STKLD1: variants seen among roughly 807,000 people sequenced by gnomAD.
STKLD1 encodes the protein serine/threonine kinase like domain containing 1.
STKLD1 carries 79 observed loss-of-function variants against 80.4 expected under a neutral mutation model. The ratio of observed to expected loss-of-function variants is 0.98; its 90% confidence interval spans 0.82 to 1.19. The LOEUF (loss-of-function observed/expected upper bound fraction) is 1.19, where lower values mean the gene tolerates loss of function less well. Among genes scored for constraint, STKLD1 ranks in the 50% most tolerant of loss-of-function variants. STKLD1 has a pLI of 0.00. For synonymous variants in STKLD1, 393 were observed against 357.6 expected, an observed-to-expected ratio of 1.10 and a Z score of -1.12; for missense variants, 841 against 856.0, an observed-to-expected ratio of 0.98 and a Z score of 0.22.
chr9:133,399,644 G>A (rs973600103), intron 11 of STKLD1, among the ~76,000 whole-genome samples: 1 of 152,194 alleles, frequency 6.6e-6, no homozygotes, highest in African/African-American at 2.4e-5. Flanking sequence ...GGGAGGGGCT[G>A]AGGTGGGCAG....
At chr9:133,376,639 G>C (rs1006524501) in intron 1 of STKLD1, 79 bp downstream of exon 1, 1 of 1,328,376 alleles carries the variant, frequency 7.5e-7, no homozygotes. Context: ...CGGCGGTTCC[G>C]ACCGAGGGCG....
At chr9:133,399,025 C>T (rs926041338) in intron 11 of STKLD1, among the ~76,000 whole-genome samples, 1 of 151,932 alleles carries the variant, frequency 6.6e-6, no homozygotes, top group Non-Finnish European at 1.5e-5. Flanking sequence ...GCTAATTTTT[C>T]GTATTTTTAT....
chr9:133,392,488 TG>T (rs1454542934), intron 7 of STKLD1, among the ~76,000 whole-genome samples: 1 of 148,022 alleles, frequency 6.8e-6, no homozygotes, highest in African/African-American at 2.5e-5. Flanking sequence ...AGTGGATGGA[TG>T]GATAGGTGGG....
chr9:133,402,846 G>A (rs782527815), intron 13 of STKLD1, 32 bp from the exon 14 acceptor site: 3 of 1,588,714 alleles, frequency 1.9e-6, no homozygotes, highest in Non-Finnish European at 2.6e-6. Context: ...GGAGGGAGGG[G>A]CCCTGGGGCC....
In STKLD1 at chr9:133,403,990, C is replaced by T. The variant is rs1838776096; in HGVS notation, c.1674C>T (p.Asp558=). 1 of 1,611,918 alleles carries T rather than the reference C, an allele frequency of 6.2e-7. No homozygotes were observed. The highest frequency in any genetic ancestry group is 1.3e-5 in the African/African-American group (1 of 74,904). Residue 558 remains aspartate (D), a synonymous_variant, in exon 16 of 18, where the codon GAC becomes GAT. Coordinates refer to ENST00000371957, the MANE Select transcript of STKLD1 (RefSeq NM_153710.5). ...LLLQSIRLCQ[D]RALLVNNAYR... The stretch of plus-strand genomic sequence containing the variant: ...TGCAAAGCATCCGGCTGTGCCAGGA[C>T]AGAGCCCTGCTGGTGAACAATGCCT...
chr9:133,388,187 C>T (rs1233481070), intron 5 of STKLD1, among the ~76,000 whole-genome samples: 1 of 152,222 alleles, frequency 6.6e-6, no homozygotes, highest in African/African-American at 2.4e-5. Context: ...CCCATGTTTA[C>T]TCTCACAAGT....
chr9:133,395,750 C>A lies in STKLD1; in HGVS notation c.853C>A (p.Arg285=). 1 of 1,613,384 alleles carries A rather than the reference C, an allele frequency of 6.2e-7. No individual in the cohort carries two copies. Among genetic ancestry groups the A allele is most frequent in the South Asian group, 1.1e-5 (1 of 91,068 alleles). The change falls in exon 9 of 18, where the codon CGA becomes AGA. Residue 285 remains arginine (R), a synonymous_variant. Coordinates refer to ENST00000371957, the MANE Select transcript of STKLD1 (RefSeq NM_153710.5). ...PLMLQIDPSD[R]ITIKDVVHIT... The stretch of plus-strand genomic sequence containing the variant: ...GATGCTCCAGATCGACCCCTCGGAT[C>A]GAATAACGATAAAGTGAGCTCAGGG...
intron 2 of STKLD1, among the ~76,000 whole-genome samples, chr9:133,382,490 G>C (rs1206373374): frequency 6.6e-6 from 1 of 151,768 alleles, no homozygotes; most frequent in African/African-American, 2.4e-5. Context: ...GGTGGTAGTG[G>C]TGGTGATGGT....
rs1307173687 is a variant in STKLD1 at position 133,385,978 on chromosome 9, G to T, written c.294+287G>T. Among the ~76,000 whole-genome samples the T allele has an allele frequency of 6.6e-6, 1 of 151,918 alleles. No homozygotes were observed. Among genetic ancestry groups the T allele is most frequent in the Non-Finnish European group, 1.5e-5 (1 of 67,980 alleles). ...TTGTCCCCCAGGCTGGAGTGTAATG[G>T]TGTGATCTTGGCTCACTGCAACCTC... On this transcript the variant is annotated intron_variant, in intron 4 of 17. Coordinates refer to ENST00000371957, the MANE Select transcript of STKLD1 (RefSeq NM_153710.5). The surrounding 1 kb of genome is among the most constrained non-coding windows in gnomAD (Gnocchi z 4.9).
At chr9:133,401,431 C>T (rs587650500) in intron 12 of STKLD1, among the ~76,000 whole-genome samples, 5 of 152,220 alleles carry the variant, frequency 3.3e-5, no homozygotes, top group East Asian at 1.9e-4. Context: ...CCACCGCGCG[C>T]GGCCACCTTT....
intron 1 of STKLD1, among the ~76,000 whole-genome samples, chr9:133,378,826 C>G (rs782684599): frequency 6.6e-6 from 1 of 152,204 alleles, no homozygotes; most frequent in Non-Finnish European, 1.5e-5. Context: ...GCTCCAGAAT[C>G]GGCCCCAAAT....
intron 12 of STKLD1, among the ~76,000 whole-genome samples, chr9:133,401,205 C>G (rs944207430): frequency 3.3e-5 from 5 of 149,340 alleles, no homozygotes; most frequent in African/African-American, 1.2e-4. Context: ...GTGGCGCACT[C>G]TCGGCTCAAT....
rs1838253615 is a variant in STKLD1 at position 133,385,871 on chromosome 9, G to A, written c.294+180G>A. On this transcript the variant is annotated intron_variant, in intron 4 of 17. Transcript: ENST00000371957. This position sits in a 1 kb window ranked among gnomAD's most constrained non-coding sequence, Gnocchi z 4.9. ...ACTGGGGCCAGGTACCATGCTGGGG[G>A]CTTTCGGTGCATAGTCTCATAGGAG... Among the ~76,000 whole-genome samples, 1 of 152,036 alleles carries A rather than the reference G, an allele frequency of 6.6e-6. No individual in the cohort carries two copies. The highest frequency in any genetic ancestry group is 2.1e-4 in the South Asian group (1 of 4,822).
In STKLD1 at chr9:133,403,700, G is replaced by C. The variant is rs140772755; in HGVS notation, c.1475G>C (p.Gly492Ala). The C allele has an allele frequency of 1.2e-6, 2 of 1,613,054 alleles. No individual in the cohort carries two copies. Among genetic ancestry groups the C allele is most frequent in the African/African-American group, 1.3e-5 (1 of 74,928 alleles). ...LGLLWALLLD[G>A]IIVNKAPLEK... ...CCTTCCATCCCTGTCCTCGTTCCAG[G>C]TATCATTGTGAACAAGGCCCCCTTG... The change falls in exon 15 of 18, where the codon GGT becomes GCT. Residue 492 changes from glycine (G) to alanine (A), a missense_variant and splice_region_variant. Physicochemically the swap from Gly to Ala is moderately conservative, Grantham distance 60. Transcript: ENST00000371957.
chr9:133,395,659 C>T lies in STKLD1; in HGVS notation c.762C>T (p.Ala254=), dbSNP rs782769047. Residue 254 remains alanine (A), a synonymous_variant, in exon 9 of 18, where the codon GCC becomes GCT. Coordinates refer to ENST00000371957, the MANE Select transcript of STKLD1 (RefSeq NM_153710.5). ...SLRQSPGSLK[A]VLKTMEEKQI... Reference sequence around the variant, plus strand: ...GCCAGAGCCCAGGCAGCCTGAAGGCCGTCCTGAAGACAATGGAGGAGAAGC... The same window carrying T: ...GCCAGAGCCCAGGCAGCCTGAAGGCTGTCCTGAAGACAATGGAGGAGAAGC... 6.2e-6 allele frequency: 10 copies of T among 1,613,390 alleles called. No homozygotes were observed. Among genetic ancestry groups the T allele is most frequent in the East Asian group, 2.2e-5 (1 of 44,890 alleles).
chr9:133,394,091 AGCTCCC>A lies in STKLD1; in HGVS notation c.584-196_584-191del, dbSNP rs1838493557. 3 of 607,978 alleles carry A rather than the reference AGCTCCC, an allele frequency of 4.9e-6. No homozygotes were observed. Among genetic ancestry groups the A allele is most frequent in the Non-Finnish European group, 8.9e-6 (3 of 337,824 alleles). 37.7% of individuals were successfully genotyped at this position (607,978 alleles called of 1,614,324 possible). ...CTTCAGTGGCTCCAGATCAACACAA[AGCTCCC>A]GCTGATTGGGGCCTCTTCCTCCCCA... On this transcript the variant is annotated intron_variant, in intron 7 of 17. Transcript: ENST00000371957. This position sits in a 1 kb window ranked among gnomAD's most constrained non-coding sequence, Gnocchi z 4.9.
In STKLD1 at chr9:133,381,088, G is replaced by C. The variant is rs1838119656; in HGVS notation, c.174+1966G>C. ...TTGTTTAGCATCCATGATTTCCTTA[G>C]GAAAAATTCCTAGGAGTGAGATTTC... On this transcript the variant is annotated intron_variant, in intron 2 of 17. Coordinates refer to ENST00000371957, the MANE Select transcript of STKLD1 (RefSeq NM_153710.5). Among the ~76,000 whole-genome samples the C allele has an allele frequency of 2.0e-5, 3 of 150,842 alleles. No individual in the cohort carries two copies. The South Asian group carries it at 6.3e-4, about 31-fold the overall frequency.
chr9:133,381,533 C>T (rs1171428214), intron 2 of STKLD1, among the ~76,000 whole-genome samples: 1 of 151,334 alleles, frequency 6.6e-6, no homozygotes, highest in East Asian at 1.9e-4. Flanking sequence ...ACACTGCAAC[C>T]CCCTTCTCCC....
chr9:133,392,603 GTGGATGGATGGA>G (rs1245671424), intron 7 of STKLD1, among the ~76,000 whole-genome samples: 1 of 36,534 alleles, frequency 2.7e-5, no homozygotes, highest in East Asian at 9.3e-4. Flanking sequence ...GGATGGATGG[GTGGATGGATGGA>G]TGGATGGATG....
Sources: gnomAD v4.1 joint callset for allele counts (sites outside exome capture counted in the v4.1 genomes callset) on GRCh38, gnomAD v4.1.1 for gene constraint, Gnocchi (gnomAD v3.1) non-coding constraint, MANE v1.5 for transcripts, NCBI Gene and HGNC (gene_info 2026-07-23, HGNC 2026-07-21) for gene names.